The following EPHA4 variants were observed in gnomAD, a reference collection of about 807,000 sequenced individuals.
EPHA4 encodes the protein EPH receptor A4, also known as ephrin type-A receptor 4.
Under a neutral mutation model 108.3 loss-of-function variants are expected in EPHA4, and 19 were observed. The ratio of observed to expected loss-of-function variants is 0.18; its 90% CI spans 0.12 to 0.26. The LOEUF (loss-of-function observed/expected upper bound fraction) is 0.26, where lower values mean the gene tolerates loss of function less well. EPHA4 is among the 10% of genes least tolerant of loss of function. The probability of loss-of-function intolerance (pLI) is 1.00; values close to 1 mark genes in which losing one functional copy is unlikely to be tolerated. For synonymous variants in EPHA4, 449 were observed against 455.5 expected, an observed-to-expected ratio of 0.99 and a Z score of 0.18; for missense variants, 917 against 1,254.0, an observed-to-expected ratio of 0.73 and a Z score of 4.06.
chr2:221,471,633 G>C (rs765641509), intron 5 of EPHA4, among the ~76,000 whole-genome samples: 1 of 152,074 alleles, frequency 6.6e-6, no homozygotes, highest in Non-Finnish European at 1.5e-5. Flanking sequence ...AGATAGAAAG[G>C]GCTCTCATTG....
chr2:221,436,707 G>A lies in EPHA4; in HGVS notation c.2137-99C>T, dbSNP rs568390973. 1.4e-3 allele frequency: 1,656 copies of A among 1,196,938 alleles called. 33 individuals are homozygous for A. In the South Asian group the frequency reaches 0.021, roughly 15 times the overall value. 74.1% of individuals were successfully genotyped at this position (1,196,938 alleles called of 1,614,324 possible). A position where few individuals can be genotyped will look rare whatever the true frequency, so the allele number is the denominator to read the frequency against. The stretch of plus-strand genomic sequence containing the variant: ...TGAATCTTTTTGGGTATCTGTATCC[G>A]GTATGCAATGAAACTCAACATTATT... On this transcript the variant is annotated intron_variant, in intron 12 of 17. Coordinates refer to ENST00000281821, the MANE Select transcript of EPHA4 (RefSeq NM_004438.5).
At chr2:221,505,433 C>T (rs1416713033) in intron 3 of EPHA4, among the ~76,000 whole-genome samples, 1 of 152,044 alleles carries the variant, frequency 6.6e-6, no homozygotes, top group Non-Finnish European at 1.5e-5. Context: ...TCAAGCGATT[C>T]CCCTGCCTCA....
intron 5 of EPHA4, among the ~76,000 whole-genome samples, chr2:221,477,225 G>A (rs369717484): frequency 6.6e-6 from 1 of 152,124 alleles, no homozygotes; most frequent in East Asian, 1.9e-4. Flanking sequence ...GAACAGTAAC[G>A]GGAGCATCAT....
rs1041862426 is a variant in EPHA4, at chr2:221,419,480, C to T, written c.*1892G>A. 1.3e-5 allele frequency: 2 copies of T among 152,608 alleles called. No homozygotes were observed. Among genetic ancestry groups the T allele is most frequent in the East Asian group, 1.9e-4 (1 of 5,198 alleles). The allele number at this position is 152,608 out of a possible 1,614,324, so 9.5% of individuals were successfully genotyped here. Reference sequence around the variant, plus strand: ...CAAAAGTATATGAATTGCATATATTCGTTCGCATTCAACAAGTCCATTTAT... The same window carrying T: ...CAAAAGTATATGAATTGCATATATTTGTTCGCATTCAACAAGTCCATTTAT... On this transcript the variant is annotated 3_prime_UTR_variant, in exon 18 of 18. Coordinates refer to ENST00000281821, the MANE Select transcript of EPHA4 (RefSeq NM_004438.5).
intron 2 of EPHA4, 106 bp downstream of exon 2, chr2:221,568,612 C>T: frequency 1.2e-6 from 1 of 838,368 alleles, no homozygotes; most frequent in East Asian, 2.6e-5. Context: ...CAGCGGAAAT[C>T]TGACCCCCTC....
chr2:221,488,995 G>T (rs1692060180), intron 4 of EPHA4, among the ~76,000 whole-genome samples: 1 of 152,168 alleles, frequency 6.6e-6, no homozygotes, highest in Non-Finnish European at 1.5e-5. Flanking sequence ...TTTAGGACAA[G>T]CCAGTATTTA....
At chr2:221,533,253 TTTG>T (rs1693573005) in intron 3 of EPHA4, among the ~76,000 whole-genome samples, 1 of 152,164 alleles carries the variant, frequency 6.6e-6, no homozygotes, top group Admixed American at 6.5e-5. Context: ...CAAAAACTTT[TTTG>T]TTGTTGTTGA....
At chr2:221,514,989 C>G (rs550241154) in intron 3 of EPHA4, among the ~76,000 whole-genome samples, 2 of 152,288 alleles carry the variant, frequency 1.3e-5, no homozygotes, top group Admixed American at 6.5e-5. Flanking sequence ...ACAAAAAAAT[C>G]TTACTCATCC....
chr2:221,568,724 T>C lies in EPHA4; in HGVS notation c.153A>G (p.Glu51=), dbSNP rs1694742197. 6.2e-7 allele frequency: 1 copy of C among 1,613,428 alleles called. No homozygotes were observed. Reference sequence around the variant, plus strand: ...AGAGCAACTCAGGACTTACCCCTCCTTCCAGAGGGCTTGCTATCCACCCAA... The same window carrying C: ...AGAGCAACTCAGGACTTACCCCTCCCTCCAGAGGGCTTGCTATCCACCCAA... ...GELGWIASPL[E]GGWEEVSIMD... is the part of the protein sequence containing the mutation. Residue 51 remains glutamate, a synonymous_variant, in exon 2 of 18, where the codon GAA becomes GAG. Coordinates refer to ENST00000281821, the MANE Select transcript of EPHA4 (RefSeq NM_004438.5).
At chr2:221,516,507 G>A (rs1162057934) in intron 3 of EPHA4, among the ~76,000 whole-genome samples, 1 of 151,870 alleles carries the variant, frequency 6.6e-6, no homozygotes, top group Non-Finnish European at 1.5e-5. Context: ...GGCGTCCGCC[G>A]CGACCCCTGG....
At chr2:221,502,430 CTA>C (rs1439900061) in intron 3 of EPHA4, 14 of 459,472 alleles carry the variant, frequency 3.0e-5, no homozygotes, top group African/African-American at 2.8e-4. Context: ...CTTGTCTATA[CTA>C]TCAGAAACAG....
intron 3 of EPHA4, among the ~76,000 whole-genome samples, chr2:221,546,331 G>A (rs1052365504): frequency 3.3e-5 from 5 of 152,062 alleles, no homozygotes; most frequent in African/African-American, 4.8e-5. Flanking sequence ...CTTTGCCTTC[G>A]GCTGCCCATG....
At position 221,447,950 on chromosome 2, in the gene EPHA4, T is replaced by C. The variant is rs1291461828; in HGVS notation, c.1716-1769A>G. On this transcript the variant is annotated intron_variant, in intron 8 of 17. Coordinates refer to ENST00000281821, the MANE Select transcript of EPHA4 (RefSeq NM_004438.5). Reference sequence around the variant, plus strand: ...TCCACCTCTAGGGCTCAAGCGATCCTCCTGCCTCAGCCTCCTGAGTAGCTG... The same window carrying C: ...TCCACCTCTAGGGCTCAAGCGATCCCCCTGCCTCAGCCTCCTGAGTAGCTG... Among the ~76,000 whole-genome samples the C allele has an allele frequency of 2.0e-5, 3 of 152,000 alleles. No individual in the cohort carries two copies. The East Asian group carries it at 5.8e-4, about 29-fold the overall frequency.
chr2:221,421,806 TTATTTTGCC>T (rs1450651487), intron 17 of EPHA4, among the ~76,000 whole-genome samples: 11 of 152,232 alleles, frequency 7.2e-5, no homozygotes. Context: ...CTTTTATAGA[TTATTTTGCC>T]TATTTTATCA....
In EPHA4 at chr2:221,437,075, C is replaced by G; in HGVS notation, c.2122G>C (p.Asp708His). 6.2e-7 allele frequency: 1 copy of G among 1,612,272 alleles called. No individual in the cohort carries two copies. Among genetic ancestry groups the G allele is most frequent in the Non-Finnish European group, 8.5e-7 (1 of 1,178,956 alleles). ...TAGTCACATACCCTGAGGAATGCAT[C>G]CAAGGAGCCATTCTCCATGTACTCT... is the stretch of plus-strand genomic sequence containing the variant. ...ITEYMENGSL[D>H]AFLRKNDGRF... Residue 708 changes from aspartate to histidine, a missense_variant, in exon 12 of 18, where the codon GAT becomes CAT. Physicochemically the swap from Asp to His is moderately conservative, Grantham distance 81. Transcript: ENST00000281821.
chr2:221,454,566 T>C (rs1690881882), intron 8 of EPHA4, among the ~76,000 whole-genome samples: 1 of 152,200 alleles, frequency 6.6e-6, no homozygotes, highest in African/African-American at 2.4e-5. Context: ...TAGCCCTTTT[T>C]TTCACCAACA....
chr2:221,457,532 T>C (rs1690996134), intron 6 of EPHA4, among the ~76,000 whole-genome samples: 1 of 152,232 alleles, frequency 6.6e-6, no homozygotes, highest in African/African-American at 2.4e-5. Flanking sequence ...TTTCCATTAC[T>C]AGAAAGTAAA....
intron 3 of EPHA4, among the ~76,000 whole-genome samples, chr2:221,533,419 G>T (rs1693577875): frequency 6.6e-6 from 1 of 152,032 alleles, no homozygotes; most frequent in South Asian, 2.1e-4. Flanking sequence ...TATCAATAAA[G>T]GATGCAGATG....
chr2:221,562,271 T>TACC (rs1694492164), intron 3 of EPHA4, among the ~76,000 whole-genome samples: 1 of 152,158 alleles, frequency 6.6e-6, no homozygotes, highest in African/African-American at 2.4e-5. Context: ...TTTTTCTATT[T>TACC]ACCACAAAAT....
Sources: allele counts gnomAD v4.1 joint callset (sites outside exome capture counted in the v4.1 genomes callset), GRCh38; gene constraint gnomAD v4.1.1; transcripts MANE v1.5; gene names NCBI Gene and HGNC (gene_info 2026-07-23, HGNC 2026-07-21).